Variants in CTSH observed in about 807,000 individuals in gnomAD.
The protein encoded by CTSH is pro-cathepsin H.
Under a neutral mutation model 56.3 loss-of-function variants are expected in CTSH, and 52 were observed. The observed-to-expected ratio is 0.92, with a 90% confidence interval of 0.74 to 1.16. The LOEUF is 1.16. Ranked by LOEUF, CTSH falls within the 50% of genes most tolerant of loss-of-function variation. CTSH has a pLI of 0.00. For missense variants in CTSH, 406 were observed against 424.5 expected (o/e 0.96, Z 0.38); for synonymous variants, 174 against 155.7 (o/e 1.12, Z -0.88).
chr15:78,932,537 T>C, intron 5 of CTSH, 79 bp from the exon 6 acceptor site: 1 of 1,145,328 alleles, frequency 8.7e-7, no homozygotes, highest in Non-Finnish European at 1.3e-6. Flanking sequence ...CTTCCTCTGC[T>C]GACCCTGCCA....
At chr15:78,936,706 C>T (rs1596286196) in intron 3 of CTSH, among the ~76,000 whole-genome samples, 1 of 151,550 alleles carries the variant, frequency 6.6e-6, no homozygotes, top group Admixed American at 6.6e-5. Flanking sequence ...CTCGGCTCAC[C>T]GCAACCTCCA....
chr15:78,938,606 G>T (rs1333293424), intron 2 of CTSH, among the ~76,000 whole-genome samples: 1 of 152,082 alleles, frequency 6.6e-6, no homozygotes, highest in Non-Finnish European at 1.5e-5. Flanking sequence ...TTCATTCTTT[G>T]TTATGGCTGA....
chr15:78,927,589 G>T, intron 9 of CTSH, 124 bp downstream of exon 9: 2 of 814,554 alleles, frequency 2.5e-6, no homozygotes, highest in South Asian at 3.1e-5. Context: ...GGGATAATAT[G>T]AACTCGTCAA....
chr15:78,925,236 G>A lies in CTSH; in HGVS notation c.806+98C>T, dbSNP rs2054877140. The A allele has an allele frequency of 4.1e-6, 3 of 738,132 alleles. No individual in the cohort carries two copies. The Admixed American group carries it at 6.2e-5, about 15-fold the overall frequency. The allele number at this position is 738,132 out of a possible 1,614,324, so 45.7% of individuals were successfully genotyped here. A position where few individuals can be genotyped will look rare whatever the true frequency, so the allele number is the denominator to read the frequency against. ...GTGTCATGAAGGGTCTGACACACAG[G>A]AGTCTGGGCCACGAGCCCAAGTCCC... On this transcript the variant is annotated intron_variant, in intron 10 of 11. Transcript: ENST00000220166.
chr15:78,941,422 T>TAAAA (rs35226827), intron 1 of CTSH, among the ~76,000 whole-genome samples: 6 of 48,426 alleles, frequency 1.2e-4, no homozygotes, highest in Non-Finnish European at 1.6e-4. Context: ...AGACTCTGTC[T>TAAAA]AAAAAAAAAA....
intron 1 of CTSH, among the ~76,000 whole-genome samples, chr15:78,942,215 CTTT>C (rs35548397): frequency 3.6e-5 from 4 of 110,332 alleles, no homozygotes; most frequent in African/African-American, 3.6e-5. Context: ...TTCTTTCCTT[CTTT>C]TTTTTTTTTT....
intron 2 of CTSH, chr15:78,937,659 T>A: frequency 7.2e-7 from 1 of 1,386,904 alleles, no homozygotes; most frequent in Non-Finnish European, 9.5e-7. Flanking sequence ...AGTCAGAATG[T>A]GGTCCAAGAG....
At chr15:78,935,107 T>G (rs1445146653) in intron 4 of CTSH, 25 bp from the exon 5 acceptor site, 2 of 1,533,380 alleles carry the variant, frequency 1.3e-6, no homozygotes, top group Admixed American at 3.4e-5. Flanking sequence ...CACATTATTT[T>G]CAGGAAAATA....
intron 10 of CTSH, among the ~76,000 whole-genome samples, chr15:78,924,971 C>G (rs1289916590): frequency 6.6e-6 from 1 of 151,780 alleles, no homozygotes; most frequent in Admixed American, 6.6e-5. Context: ...GCTGGGAGTA[C>G]AGGCATGAGC....
chr15:78,934,363 G>A (rs983520119), intron 5 of CTSH, among the ~76,000 whole-genome samples: 3 of 152,252 alleles, frequency 2.0e-5, no homozygotes, highest in African/African-American at 7.2e-5. Context: ...CCTGCTAGGG[G>A]AGGGGCCGCA....
At chr15:78,922,450 C>T (rs534077407) in intron 11 of CTSH, among the ~76,000 whole-genome samples, 4 of 152,286 alleles carry the variant, frequency 2.6e-5, no homozygotes, top group Admixed American at 1.3e-4. Flanking sequence ...GAAAATTTAC[C>T]GAGGGCCCCC....
chr15:78,942,945 C>T (rs749589305), intron 1 of CTSH, among the ~76,000 whole-genome samples: 3 of 152,132 alleles, frequency 2.0e-5, no homozygotes, highest in Non-Finnish European at 2.9e-5. Context: ...GGAAAATGCA[C>T]ATTTCCTCAA....
chr15:78,943,468 G>A (rs1186889294), intron 1 of CTSH, among the ~76,000 whole-genome samples: 1 of 152,166 alleles, frequency 6.6e-6, no homozygotes, highest in Non-Finnish European at 1.5e-5. Context: ...GACCTAAAGT[G>A]ATCCGACTGC....
At chr15:78,926,826 C>T (rs2054913150) in intron 9 of CTSH, 1 of 152,144 alleles carries the variant, frequency 6.6e-6, no homozygotes, top group South Asian at 2.1e-4. Flanking sequence ...AGGGCCAGTT[C>T]GGGTCTAGAG....
intron 8 of CTSH, 140 bp from the exon 9 acceptor site, chr15:78,927,921 C>T (rs1457692048): frequency 8.5e-6 from 6 of 708,540 alleles, no homozygotes; most frequent in Non-Finnish European, 1.2e-5. Context: ...AGAATTAAAG[C>T]ATCCTTGTCC....
chr15:78,937,646 G>C, intron 2 of CTSH: 1 of 1,395,152 alleles, frequency 7.2e-7, no homozygotes, highest in East Asian at 3.2e-5. Context: ...GCAGCTGCGT[G>C]AAAGTCAGAA....
intron 9 of CTSH, 31 bp downstream of exon 9, chr15:78,927,682 T>C: frequency 1.2e-6 from 2 of 1,601,426 alleles, no homozygotes; most frequent in Non-Finnish European, 1.7e-6. Flanking sequence ...TCAGGACACA[T>C]TCCCCATCCC....
chr15:78,932,594 C>A (rs539307689), intron 5 of CTSH, 136 bp from the exon 6 acceptor site: 12 of 643,622 alleles, frequency 1.9e-5, no homozygotes, highest in Non-Finnish European at 3.0e-5. Flanking sequence ...AAGCCCTGTT[C>A]CAGATCCATT....
chr15:78,937,259 T>C (rs2055195185), intron 3 of CTSH, 59 bp downstream of exon 3: 1 of 1,472,776 alleles, frequency 6.8e-7, no homozygotes, highest in South Asian at 1.1e-5. Context: ...GCGGGCCCTT[T>C]CATGGGCTGG....
Sources: gnomAD v4.1 joint callset for allele counts (sites outside exome capture counted in the v4.1 genomes callset) on GRCh38, gnomAD v4.1.1 for gene constraint, MANE v1.5 for transcripts, NCBI Gene and HGNC (gene_info 2026-07-23, HGNC 2026-07-21) for gene names.